ARHGAP15: variants seen among roughly 807,000 people sequenced by gnomAD.
ARHGAP15 encodes Rho GTPase activating protein 15.
Under a neutral mutation model 63.7 loss-of-function variants are expected in ARHGAP15, and 51 were observed. The ratio of observed to expected loss-of-function variants is 0.80; its 90% CI spans 0.64 to 1.01. The LOEUF (loss-of-function observed/expected upper bound fraction) is 1.01. Among genes scored for constraint, ARHGAP15 ranks in the 50% least tolerant of loss-of-function variants. The pLI, the probability that ARHGAP15 is intolerant of heterozygous loss-of-function variation, is 0.00. For synonymous variants in ARHGAP15, 191 were observed against 193.8 expected (o/e 0.99, Z 0.12); for missense variants, 560 against 564.6 (o/e 0.99, Z 0.08).
At chr2:143,456,285 T>C (rs1415250229) in intron 8 of ARHGAP15, among the ~76,000 whole-genome samples, 1 of 152,120 alleles carries the variant, frequency 6.6e-6, no homozygotes, top group Non-Finnish European at 1.5e-5. Flanking sequence ...CCATACAACT[T>C]GCAGAATATT....
At chr2:143,502,858 G>T (rs1238562415) in intron 9 of ARHGAP15, among the ~76,000 whole-genome samples, 1 of 152,168 alleles carries the variant, frequency 6.6e-6, no homozygotes, top group African/African-American at 2.4e-5. Context: ...GGGATTACAG[G>T]TGTGAGCCAC....
Position 143,449,928 on chromosome 2 carries a change from T to C in ARHGAP15, c.703+12886T>C, listed in dbSNP as rs554282870. Reference sequence around the variant, plus strand: ...CCTAAAATGTCCAGTCTTTTAAAAATGTTTTGGACAGTAATGAGACAGGTC... The same window carrying C: ...CCTAAAATGTCCAGTCTTTTAAAAACGTTTTGGACAGTAATGAGACAGGTC... On this transcript the variant is annotated intron_variant, in intron 8 of 13. Transcript: ENST00000295095. Among the ~76,000 whole-genome samples the C allele has an allele frequency of 2.0e-5, 3 of 152,118 alleles. No homozygotes were observed. In the South Asian group the frequency reaches 6.2e-4, roughly 31 times the overall value.
intron 13 of ARHGAP15, among the ~76,000 whole-genome samples, chr2:143,759,432 T>G (rs1347407658): frequency 6.6e-6 from 1 of 152,136 alleles, no homozygotes; most frequent in Non-Finnish European, 1.5e-5. Context: ...TACAGAATTA[T>G]ATAAAGTGCA....
At chr2:143,536,974 GT>G (rs1559035532) in intron 10 of ARHGAP15, among the ~76,000 whole-genome samples, 1 of 152,112 alleles carries the variant, frequency 6.6e-6, no homozygotes, top group African/African-American at 2.4e-5. Flanking sequence ...GGTTGAACTA[GT>G]TTACAGTCCC....
At chr2:143,326,005 T>C (rs1669016177) in intron 6 of ARHGAP15, among the ~76,000 whole-genome samples, 7 of 152,174 alleles carry the variant, frequency 4.6e-5, no homozygotes, top group Admixed American at 4.6e-4. Context: ...TGGTAAATTA[T>C]AGGGTCTCAG....
chr2:143,420,527 G>A (rs1160010613), intron 6 of ARHGAP15, among the ~76,000 whole-genome samples: 1 of 152,128 alleles, frequency 6.6e-6, no homozygotes, highest in Non-Finnish European at 1.5e-5. Context: ...GGTGCAGGAA[G>A]GATGAGTAAT....
chr2:143,390,032 G>C (rs912569359), intron 6 of ARHGAP15, among the ~76,000 whole-genome samples: 1 of 149,140 alleles, frequency 6.7e-6, no homozygotes, highest in Admixed American at 6.7e-5. Flanking sequence ...AAAGCAGTAA[G>C]GTATCCTTGG....
At chr2:143,143,497 A>G (rs908026866) in intron 1 of ARHGAP15, among the ~76,000 whole-genome samples, 3 of 151,808 alleles carry the variant, frequency 2.0e-5, no homozygotes, top group Admixed American at 1.3e-4. Flanking sequence ...CTGAGGATAC[A>G]TAATTTTGTG....
At chr2:143,657,222 T>G (rs1681495573) in intron 12 of ARHGAP15, among the ~76,000 whole-genome samples, 1 of 151,984 alleles carries the variant, frequency 6.6e-6, no homozygotes, top group Non-Finnish European at 1.5e-5. Context: ...CGGCTGGCGC[T>G]TGTAGTCCCA....
intron 6 of ARHGAP15, among the ~76,000 whole-genome samples, chr2:143,260,865 A>C (rs1318982551): frequency 6.6e-6 from 1 of 152,108 alleles, no homozygotes; most frequent in South Asian, 2.1e-4. Context: ...TCTGTTCTCC[A>C]TTCTACTCAC....
chr2:143,488,330 G>A (rs1016524678), intron 9 of ARHGAP15, among the ~76,000 whole-genome samples: 1 of 152,128 alleles, frequency 6.6e-6, no homozygotes, highest in African/African-American at 2.4e-5. Flanking sequence ...ATTCATTGTT[G>A]TTATCACTGT....
At chr2:143,416,860 A>G (rs1177530384) in intron 6 of ARHGAP15, among the ~76,000 whole-genome samples, 6 of 36,556 alleles carry the variant, frequency 1.6e-4, no homozygotes, top group African/African-American at 7.8e-4. Flanking sequence ...CACGCCCCCA[A>G]CACCACTCCA....
intron 1 of ARHGAP15, among the ~76,000 whole-genome samples, chr2:143,142,619 T>G (rs1223818828): frequency 6.6e-6 from 1 of 152,124 alleles, no homozygotes; most frequent in African/African-American, 2.4e-5. Context: ...TGGATCAGAA[T>G]GTGTGGAAGT....
intron 13 of ARHGAP15, among the ~76,000 whole-genome samples, chr2:143,721,305 T>G (rs572928889): frequency 6.6e-6 from 1 of 152,272 alleles, no homozygotes; most frequent in South Asian, 2.1e-4. Flanking sequence ...ATTATCAGGT[T>G]TGCATCATTT....
intron 11 of ARHGAP15, among the ~76,000 whole-genome samples, chr2:143,589,729 A>G (rs1247238660): frequency 6.6e-6 from 1 of 152,212 alleles, no homozygotes; most frequent in Non-Finnish European, 1.5e-5. Flanking sequence ...AGGTAACAAT[A>G]TAAAGATGGG....
intron 6 of ARHGAP15, among the ~76,000 whole-genome samples, chr2:143,339,030 G>A (rs1022679659): frequency 3.3e-5 from 5 of 151,876 alleles, no homozygotes; most frequent in African/African-American, 1.2e-4. Flanking sequence ...TTCTTTGTTG[G>A]GGATAGCTAT....
intron 6 of ARHGAP15, among the ~76,000 whole-genome samples, chr2:143,272,649 C>A (rs536028265): frequency 6.6e-6 from 1 of 151,344 alleles, no homozygotes; most frequent in South Asian, 2.1e-4. Flanking sequence ...GAGACTGCGT[C>A]GCAAAAAAAA....
intron 10 of ARHGAP15, among the ~76,000 whole-genome samples, chr2:143,547,741 T>A (rs949451243): frequency 3.3e-5 from 5 of 151,884 alleles, no homozygotes; most frequent in African/African-American, 1.2e-4. Context: ...TTCTACTTAT[T>A]GAAATGTCTG....
intron 12 of ARHGAP15, among the ~76,000 whole-genome samples, chr2:143,669,649 G>A (rs1372044035): frequency 6.6e-6 from 1 of 152,098 alleles, no homozygotes; most frequent in Non-Finnish European, 1.5e-5. Context: ...CAGCTCTCTG[G>A]GGCCTCTTTC....
Sources: allele counts gnomAD v4.1 joint callset (sites outside exome capture counted in the v4.1 genomes callset), GRCh38; gene constraint gnomAD v4.1.1; transcripts MANE v1.5; gene names NCBI Gene and HGNC (gene_info 2026-07-23, HGNC 2026-07-21).